The following SIPA1L1 variants were observed in gnomAD, a reference collection of about 807,000 sequenced individuals.
SIPA1L1 encodes the protein signal induced proliferation associated 1 like 1.
Under a neutral mutation model 162.7 loss-of-function variants are expected in SIPA1L1, and 26 were observed. That is an observed-to-expected ratio of 0.16 (90% confidence interval 0.12 to 0.22). SIPA1L1 has a LOEUF of 0.22. Ranked by LOEUF, SIPA1L1 falls within the 10% of genes least tolerant of loss-of-function variation. The pLI, the probability that SIPA1L1 is intolerant of heterozygous loss-of-function variation, is 1.00. For missense variants in SIPA1L1, 1,874 were observed against 2,241.0 expected, an observed-to-expected ratio of 0.84 and a Z score of 3.31; for synonymous variants, 829 against 837.4, an observed-to-expected ratio of 0.99 and a Z score of 0.17.
At chr14:71,438,121 C>T (rs1283562132) in intron 2 of SIPA1L1, among the ~76,000 whole-genome samples, 1 of 152,090 alleles carries the variant, frequency 6.6e-6, no homozygotes, top group East Asian at 1.9e-4. Flanking sequence ...TAATTTGATT[C>T]TCTACCTTAC....
At chr14:71,711,083 T>C (rs72729978) in intron 17 of SIPA1L1, among the ~76,000 whole-genome samples, 233 of 152,328 alleles carry the variant, frequency 1.5e-3, no homozygotes, top group Non-Finnish European at 2.4e-3. Context: ...TCACTAGTTT[T>C]GTTTCTGTTT....
At chr14:71,678,642 G>C (rs1348932767) in intron 12 of SIPA1L1, among the ~76,000 whole-genome samples, 8 of 152,170 alleles carry the variant, frequency 5.3e-5, no homozygotes, top group Non-Finnish European at 8.8e-5. Context: ...GTATCAGGAT[G>C]ATGCTGGCCT....
intron 17 of SIPA1L1, among the ~76,000 whole-genome samples, chr14:71,721,268 G>GTC (rs150745581): frequency 7.3e-5 from 11 of 151,596 alleles, no homozygotes; most frequent in Non-Finnish European, 1.2e-4. Flanking sequence ...GCTAGGCAAT[G>GTC]TCTCTCTCTC....
chr14:71,557,268 T>A (rs999952633), intron 4 of SIPA1L1, among the ~76,000 whole-genome samples: 1 of 152,250 alleles, frequency 6.6e-6, no homozygotes, highest in East Asian at 1.9e-4. Context: ...TTTAAAAGTT[T>A]CATGTACCCA....
rs772267708 is a variant in SIPA1L1 at position 71,339,961 on chromosome 14, TA to T, written c.-465+18782del. 3.9e-5 allele frequency among the ~76,000 whole-genome samples: 6 copies of T among 152,362 alleles called. No homozygotes were observed. The South Asian group carries it at 6.2e-4, about 16-fold the overall frequency. On this transcript the variant is annotated intron_variant, in intron 2 of 23. Transcript: ENST00000381232. ...GCAGCTACTGAGTTGAGGCGTTATC[TA>T]ATGCAGTCATCTGTTGGGACCAGAG...
At chr14:71,577,893 G>A (rs572693819) in intron 4 of SIPA1L1, among the ~76,000 whole-genome samples, 35 of 151,914 alleles carry the variant, frequency 2.3e-4, no homozygotes, top group Non-Finnish European at 4.4e-4. Flanking sequence ...CACCACGCCT[G>A]GCTAATTTTT....
At chr14:71,517,707 ATTT>A (rs2051884489) in intron 3 of SIPA1L1, among the ~76,000 whole-genome samples, 1 of 152,138 alleles carries the variant, frequency 6.6e-6, no homozygotes, top group Non-Finnish European at 1.5e-5. Context: ...GACTTTTTAA[ATTT>A]AGTCAAGCTA....
chr14:71,670,994 T>C (rs1353643044), intron 10 of SIPA1L1, 125 bp from the exon 11 acceptor site: 1 of 752,744 alleles, frequency 1.3e-6, no homozygotes, highest in African/African-American at 1.7e-5. Context: ...GTGTTGTTTC[T>C]CATGGAAAAA....
intron 4 of SIPA1L1, among the ~76,000 whole-genome samples, chr14:71,544,218 T>C (rs1478692122): frequency 2.7e-5 from 4 of 148,392 alleles, no homozygotes; most frequent in South Asian, 2.1e-4. Flanking sequence ...CATGCATGTG[T>C]ATATACATAT....
chr14:71,676,820 G>A (rs530730063), intron 12 of SIPA1L1, among the ~76,000 whole-genome samples: 73 of 151,776 alleles, frequency 4.8e-4, no homozygotes, highest in African/African-American at 1.7e-3. Context: ...CCTTTTTTAC[G>A]GCTGCATAGT....
intron 6 of SIPA1L1, among the ~76,000 whole-genome samples, chr14:71,620,433 T>G (rs2039312758): frequency 6.6e-6 from 1 of 152,244 alleles, no homozygotes; most frequent in Non-Finnish European, 1.5e-5. Flanking sequence ...TTTCGCATTC[T>G]CTTCTTTTTC....
intron 2 of SIPA1L1, among the ~76,000 whole-genome samples, chr14:71,329,138 G>A (rs574185925): frequency 7.9e-5 from 12 of 152,230 alleles, no homozygotes; most frequent in East Asian, 1.9e-4. Context: ...GTATTCCGTC[G>A]TATGGGTATA....
intron 3 of SIPA1L1, among the ~76,000 whole-genome samples, chr14:71,526,322 T>A (rs1477680173): frequency 6.6e-6 from 1 of 152,162 alleles, no homozygotes; most frequent in Admixed American, 6.5e-5. Flanking sequence ...CCCACCGAAT[T>A]TCCCCCCTTT....
At chr14:71,541,588 C>A (rs1470803098) in intron 4 of SIPA1L1, among the ~76,000 whole-genome samples, 1 of 151,998 alleles carries the variant, frequency 6.6e-6, no homozygotes, top group Admixed American at 6.6e-5. Context: ...ATAGTGAGAC[C>A]CTATCGCTAC....
intron 7 of SIPA1L1, among the ~76,000 whole-genome samples, chr14:71,640,916 C>T (rs908164400): frequency 3.3e-5 from 5 of 152,194 alleles, no homozygotes; most frequent in African/African-American, 1.2e-4. Context: ...TGAGCCACCA[C>T]ACCCAGCCTA....
chr14:71,392,785 G>T (rs563653078), intron 2 of SIPA1L1, among the ~76,000 whole-genome samples: 1 of 152,004 alleles, frequency 6.6e-6, no homozygotes, highest in East Asian at 1.9e-4. Context: ...TGCCCGTCTC[G>T]GCCTCTCAAA....
intron 3 of SIPA1L1, among the ~76,000 whole-genome samples, chr14:71,527,361 G>A (rs1190234206): frequency 6.6e-6 from 1 of 151,742 alleles, no homozygotes; most frequent in Non-Finnish European, 1.5e-5. Flanking sequence ...GGAAGATGTT[G>A]AATTTTTTTT....
At chr14:71,636,913 T>C (rs1384124164) in intron 7 of SIPA1L1, among the ~76,000 whole-genome samples, 1 of 151,816 alleles carries the variant, frequency 6.6e-6, no homozygotes, top group African/African-American at 2.4e-5. Context: ...TAGCCGGGCA[T>C]GGTGGTGCAT....
intron 2 of SIPA1L1, among the ~76,000 whole-genome samples, chr14:71,456,061 C>T (rs2046163116): frequency 6.6e-6 from 1 of 152,136 alleles, no homozygotes; most frequent in South Asian, 2.1e-4. Context: ...ATTTCACATG[C>T]AATATCATTT....
Sources: allele counts gnomAD v4.1 joint callset (sites outside exome capture counted in the v4.1 genomes callset), GRCh38; gene constraint gnomAD v4.1.1; transcripts MANE v1.5; gene names NCBI Gene and HGNC (gene_info 2026-07-23, HGNC 2026-07-21).